The following UBR2 variants were observed in gnomAD, a reference collection of about 807,000 sequenced individuals.
UBR2 encodes the protein ubiquitin protein ligase E3 component n-recognin 2.
In UBR2, 92 loss-of-function variants were observed where a neutral mutation model predicts 247.9. That is an observed-to-expected ratio of 0.37 (90% CI 0.31 to 0.44). UBR2 has a LOEUF of 0.44. Among genes scored for constraint, UBR2 ranks in the 20% least tolerant of loss-of-function variants. The pLI is 1.00. For missense variants in UBR2, 1,613 were observed against 2,112.6 expected, an observed-to-expected ratio of 0.76 and a Z score of 4.64; for synonymous variants, 672 against 693.5, an observed-to-expected ratio of 0.97 and a Z score of 0.49.
chr6:42,646,779 T>C (rs1796776052), intron 21 of UBR2, among the ~76,000 whole-genome samples: 1 of 151,228 alleles, frequency 6.6e-6, no homozygotes, highest in African/African-American at 2.4e-5. Flanking sequence ...TATCACACTT[T>C]TAAAAACAAT....
chr6:42,622,239 G>A (rs772909196), intron 11 of UBR2, among the ~76,000 whole-genome samples: 17 of 151,756 alleles, frequency 1.1e-4, no homozygotes, highest in African/African-American at 1.7e-4. Flanking sequence ...GGCTGGTGTC[G>A]AACTCCTGAC....
In UBR2 at chr6:42,611,329, C is replaced by T. The variant is rs576352751; in HGVS notation, c.865-842C>T. ...TACAAAAATTAGCCAAACGTGGTGG[C>T]GCATGCCTGTAGTCCCAGCTACTCG... On this transcript the variant is annotated intron_variant, in intron 7 of 46. Coordinates refer to ENST00000372901, the MANE Select transcript of UBR2 (RefSeq NM_001363705.2). Among the ~76,000 whole-genome samples the T allele has an allele frequency of 1.9e-3, 287 of 151,364 alleles. 2 individuals are homozygous for T. Among genetic ancestry groups the T allele is most frequent in the African/African-American group, 6.6e-3 (275 of 41,362 alleles).
chr6:42,652,696 C>G (rs377319641), intron 25 of UBR2, 51 bp downstream of exon 25: 1 of 1,503,778 alleles, frequency 6.6e-7, no homozygotes, highest in Non-Finnish European at 9.0e-7. Context: ...ATAGTACAAG[C>G]AAAATATTCT....
chr6:42,620,481 G>GTTTTTTTTTTT lies in UBR2; in HGVS notation c.1281+2976_1281+2986dup, dbSNP rs796314344. ...GTTTACTTCCTGAATATTAAGTGTTGTTTTTTTTTTTTGTTTTTGTTTTTG... is the reference window on the plus strand; with the variant it reads ...GTTTACTTCCTGAATATTAAGTGTTGTTTTTTTTTTTTTTTTTTTTTTTGTTTTTGTTTTTG... On this transcript the variant is annotated intron_variant, in intron 11 of 46. Transcript: ENST00000372901. The GTTTTTTTTTTT allele has an allele frequency of 2.6e-4, 17 of 66,596 alleles. 2 individuals carry two copies. Among genetic ancestry groups the GTTTTTTTTTTT allele is most frequent in the African/African-American group, 6.3e-4 (17 of 26,772 alleles). The allele number at this position is 66,596 out of a possible 1,614,324, so 4.1% of individuals were successfully genotyped here.
At chr6:42,668,204 A>T (rs543996169) in intron 34 of UBR2, among the ~76,000 whole-genome samples, 76 of 152,086 alleles carry the variant, frequency 5.0e-4, no homozygotes, top group Non-Finnish European at 9.0e-4. Flanking sequence ...TATTTTCTGG[A>T]TTGAGTATCT....
At chr6:42,687,302 G>T (rs1186701385) in intron 44 of UBR2, among the ~76,000 whole-genome samples, 1 of 152,210 alleles carries the variant, frequency 6.6e-6, no homozygotes, top group Non-Finnish European at 1.5e-5. Context: ...GGCCAACACG[G>T]CGAAACCCCG....
chr6:42,610,922 C>T (rs931960444), intron 7 of UBR2, among the ~76,000 whole-genome samples: 11 of 151,098 alleles, frequency 7.3e-5, no homozygotes, highest in Admixed American at 5.9e-4. Context: ...CTCAGCTCAC[C>T]GCAACCTTCA....
chr6:42,598,345 T>C (rs73440611), intron 4 of UBR2, among the ~76,000 whole-genome samples: 3,556 of 152,316 alleles, frequency 0.023, 126 homozygotes, highest in African/African-American at 0.08. Flanking sequence ...GTATTTGTAG[T>C]TGTTTTCCCA....
chr6:42,620,801 TTTTG>T (rs150567240), intron 11 of UBR2, among the ~76,000 whole-genome samples: 14 of 151,532 alleles, frequency 9.2e-5, no homozygotes, highest in Admixed American at 2.0e-4. Flanking sequence ...CATGTACTAA[TTTTG>T]TTTGTTTGTT....
chr6:42,627,064 C>G (rs1289227691), intron 11 of UBR2, among the ~76,000 whole-genome samples: 1 of 152,090 alleles, frequency 6.6e-6, no homozygotes, highest in East Asian at 1.9e-4. Flanking sequence ...TTTATTATTA[C>G]TCAAATCAGC....
At chr6:42,690,915 A>C in intron 46 of UBR2, 117 bp from the exon 47 acceptor site, 6 of 1,295,628 alleles carry the variant, frequency 4.6e-6, no homozygotes, top group Non-Finnish European at 6.4e-6. Context: ...CCAGACAGAA[A>C]TGTTGCAGGG....
At chr6:42,567,055 G>A (rs1485291606) in intron 1 of UBR2, among the ~76,000 whole-genome samples, 4 of 152,200 alleles carry the variant, frequency 2.6e-5, no homozygotes, top group Non-Finnish European at 4.4e-5. Context: ...AGAGAAACAA[G>A]TAGAGAAAAC....
At chr6:42,630,127 C>CAGTAGCAGTAGTAGT (rs1388561866) in intron 11 of UBR2, among the ~76,000 whole-genome samples, 1 of 147,456 alleles carries the variant, frequency 6.8e-6, no homozygotes, top group African/African-American at 2.6e-5. Flanking sequence ...GTAGTAGTAG[C>CAGTAGCAGTAGTAGT]AGTAGCAGTA....
At chr6:42,595,102 C>T (rs926424894) in intron 4 of UBR2, among the ~76,000 whole-genome samples, 2 of 152,086 alleles carry the variant, frequency 1.3e-5, no homozygotes, top group Non-Finnish European at 2.9e-5. Flanking sequence ...GTGTAATGAG[C>T]AAATCAGGGT....
chr6:42,574,040 C>T lies in UBR2; in HGVS notation c.338+47C>T, dbSNP rs776615000. 3.4e-6 allele frequency: 5 copies of T among 1,466,756 alleles called. No homozygotes were observed. The East Asian group carries it at 7.4e-5, about 22-fold the overall frequency. The allele number at this position is 1,466,756 out of a possible 1,614,324, so 90.9% of individuals were successfully genotyped here. On this transcript the variant is annotated intron_variant, in intron 2 of 46. Coordinates refer to ENST00000372901, the MANE Select transcript of UBR2 (RefSeq NM_001363705.2). ...TCTAGGAGGCTCTTGTTTTATTTGA[C>T]CTCTTTTTTTCCCTGGAACTTTTGA...
intron 2 of UBR2, among the ~76,000 whole-genome samples, chr6:42,581,003 A>ATTTT (rs58396471): frequency 1.6e-5 from 1 of 62,600 alleles, no homozygotes. Flanking sequence ...TGGTTCTAGA[A>ATTTT]TTTTTTTTTT....
At chr6:42,677,829 C>A (rs1798799883) in intron 40 of UBR2, among the ~76,000 whole-genome samples, 2 of 152,146 alleles carry the variant, frequency 1.3e-5, no homozygotes, top group Non-Finnish European at 1.5e-5. Flanking sequence ...TGAAAGCAAT[C>A]TAAGTGTTTG....
chr6:42,648,179 A>T lies in UBR2; in HGVS notation c.2462+9A>T. ...GCAGTTGCCCATTTCAAGTGAGTTT[A>T]CTTCCTATTATTTCACATTCTTTTT... On this transcript the variant is annotated intron_variant, in intron 22 of 46. Coordinates refer to ENST00000372901, the MANE Select transcript of UBR2 (RefSeq NM_001363705.2). 6.2e-7 allele frequency: 1 copy of T among 1,611,212 alleles called. No individual in the cohort carries two copies. Among genetic ancestry groups the T allele is most frequent in the South Asian group, 1.1e-5 (1 of 91,014 alleles).
intron 41 of UBR2, 118 bp from the exon 42 acceptor site, chr6:42,679,595 CTACAAGTTACG>C: frequency 1.4e-6 from 1 of 700,354 alleles, no homozygotes. Flanking sequence ...TGTTAACTTC[CTACAAGTTACG>C]TACCTGGCAA....
Sources: allele counts gnomAD v4.1 joint callset (sites outside exome capture counted in the v4.1 genomes callset), GRCh38; gene constraint gnomAD v4.1.1; transcripts MANE v1.5; gene names NCBI Gene and HGNC (gene_info 2026-07-23, HGNC 2026-07-21).